ADAMTSL3: variants seen among roughly 807,000 people sequenced by gnomAD.
The protein encoded by ADAMTSL3 is ADAMTS-like protein 3.
A neutral mutation model predicts 201.7 loss-of-function variants in ADAMTSL3; 128 were observed. The observed-to-expected ratio is 0.63, with a 90% CI of 0.55 to 0.73. ADAMTSL3 has a LOEUF of 0.73. ADAMTSL3 is among the 30% of genes least tolerant of loss of function. The pLI is 0.00. For synonymous variants in ADAMTSL3, 738 were observed against 748.4 expected, an observed-to-expected ratio of 0.99 and a Z score of 0.23; for missense variants, 1,990 against 2,119.6, an observed-to-expected ratio of 0.94 and a Z score of 1.20.
At chr15:83,794,225 C>G (rs1187652690) in intron 4 of ADAMTSL3, among the ~76,000 whole-genome samples, 1 of 152,188 alleles carries the variant, frequency 6.6e-6, no homozygotes, top group Non-Finnish European at 1.5e-5. Context: ...TAAAATGATA[C>G]AGCCATTCTG....
At chr15:83,788,308 C>A (rs2063295383) in intron 4 of ADAMTSL3, among the ~76,000 whole-genome samples, 1 of 152,178 alleles carries the variant, frequency 6.6e-6, no homozygotes, top group South Asian at 2.1e-4. Flanking sequence ...CAGGAGGCAT[C>A]TTGGAATCTC....
At chr15:83,973,699 C>G (rs1433239985) in intron 20 of ADAMTSL3, among the ~76,000 whole-genome samples, 1 of 152,116 alleles carries the variant, frequency 6.6e-6, no homozygotes, top group East Asian at 1.9e-4. Context: ...TTAGGAATAT[C>G]AAGGCTAAAG....
At chr15:83,968,440 T>A (rs1185857435) in intron 19 of ADAMTSL3, among the ~76,000 whole-genome samples, 1 of 152,026 alleles carries the variant, frequency 6.6e-6, no homozygotes, top group Non-Finnish European at 1.5e-5. Context: ...ATTAGAGAAA[T>A]GCAAATCAAA....
intron 7 of ADAMTSL3, among the ~76,000 whole-genome samples, chr15:83,844,269 A>T (rs1328627573): frequency 1.3e-5 from 2 of 152,238 alleles, no homozygotes; most frequent in African/African-American, 2.4e-5. Context: ...CTTCTAATGC[A>T]TTCCTTGACA....
chr15:83,948,097 G>A (rs915855369), intron 19 of ADAMTSL3, among the ~76,000 whole-genome samples: 2 of 152,062 alleles, frequency 1.3e-5, no homozygotes, highest in Non-Finnish European at 2.9e-5. Context: ...CTCTATAACT[G>A]AAAAATGTTA....
Position 83,801,645 on chromosome 15 carries a change from AATATAAATATATAT to A in ADAMTSL3, c.318-2999_318-2986del, listed in dbSNP as rs1567153937. Among the ~76,000 whole-genome samples, 12 of 43,902 alleles carry A rather than the reference AATATAAATATATAT, an allele frequency of 2.7e-4. 1 individual carries two copies. Among genetic ancestry groups the A allele is most frequent in the South Asian group, 1.2e-3 (1 of 806 alleles). 28.8% of individuals were successfully genotyped at this position (43,902 alleles called of 152,430 possible). On this transcript the variant is annotated intron_variant, in intron 4 of 29. Coordinates refer to ENST00000286744, the MANE Select transcript of ADAMTSL3 (RefSeq NM_207517.3). ...GAAATTTTATATATATAAATATATA[AATATAAATATATAT>A]ATATATATATATATATATATATATA... is the stretch of plus-strand genomic sequence containing the variant.
chr15:83,866,399 C>T (rs11259922), intron 8 of ADAMTSL3, among the ~76,000 whole-genome samples: 63,815 of 152,022 alleles, frequency 0.42, 16,738 homozygotes, highest in African/African-American at 0.72. Flanking sequence ...GAAAATGTGG[C>T]ACATATACAC....
intron 16 of ADAMTSL3, among the ~76,000 whole-genome samples, chr15:83,915,144 G>A (rs945498350): frequency 6.6e-6 from 1 of 152,158 alleles, no homozygotes; most frequent in Non-Finnish European, 1.5e-5. Context: ...TCTTTCATTA[G>A]GAGAGCAGAA....
intron 26 of ADAMTSL3, among the ~76,000 whole-genome samples, chr15:84,022,097 T>C (rs2141914082): frequency 6.6e-6 from 1 of 152,226 alleles, no homozygotes; most frequent in Middle Eastern, 3.4e-3. Flanking sequence ...CAAAATCAAA[T>C]TCATGGTCTC....
chr15:83,992,644 A>G (rs1216821555), intron 23 of ADAMTSL3, among the ~76,000 whole-genome samples: 1 of 152,206 alleles, frequency 6.6e-6, no homozygotes, highest in South Asian at 2.1e-4. Context: ...CACTTCCACA[A>G]TACTTGAAAA....
At chr15:83,856,991 T>A (rs1198697667) in intron 7 of ADAMTSL3, among the ~76,000 whole-genome samples, 2 of 152,154 alleles carry the variant, frequency 1.3e-5, no homozygotes, top group Non-Finnish European at 2.9e-5. Flanking sequence ...GCTTGTTTTG[T>A]TATTTTTTTT....
At chr15:83,808,838 T>C (rs1202794762) in intron 5 of ADAMTSL3, among the ~76,000 whole-genome samples, 1 of 149,590 alleles carries the variant, frequency 6.7e-6, no homozygotes, top group African/African-American at 2.5e-5. Context: ...TGGATGAATC[T>C]AGAGGATATT....
intron 3 of ADAMTSL3, among the ~76,000 whole-genome samples, chr15:83,720,188 C>T (rs932169223): frequency 6.6e-6 from 1 of 152,122 alleles, no homozygotes; most frequent in Non-Finnish European, 1.5e-5. Flanking sequence ...CACTGCACTC[C>T]AGCCTGGGTG....
At chr15:83,855,034 G>C (rs1347505204) in intron 7 of ADAMTSL3, among the ~76,000 whole-genome samples, 1 of 152,136 alleles carries the variant, frequency 6.6e-6, no homozygotes, top group Admixed American at 6.5e-5. Flanking sequence ...CTTTGTGTGT[G>C]TGTGTGTCTG....
intron 19 of ADAMTSL3, among the ~76,000 whole-genome samples, chr15:83,944,414 G>C (rs1421997223): frequency 6.6e-6 from 1 of 152,072 alleles, no homozygotes; most frequent in Non-Finnish European, 1.5e-5. Flanking sequence ...TATCTTCTTG[G>C]AGTGGAGACC....
At chr15:83,828,815 T>C (rs1187871208) in intron 6 of ADAMTSL3, among the ~76,000 whole-genome samples, 6 of 152,356 alleles carry the variant, frequency 3.9e-5, no homozygotes, top group Admixed American at 2.6e-4. Flanking sequence ...TCTGTTTATA[T>C]GCTGGATTAC....
intron 21 of ADAMTSL3, among the ~76,000 whole-genome samples, chr15:83,985,632 T>C (rs1256665855): frequency 6.6e-6 from 1 of 151,638 alleles, no homozygotes; most frequent in African/African-American, 2.4e-5. Context: ...AAGACATTTC[T>C]TTTTTTTTCT....
chr15:83,737,716 A>G (rs2062390047), intron 3 of ADAMTSL3, among the ~76,000 whole-genome samples: 1 of 152,226 alleles, frequency 6.6e-6, no homozygotes, highest in Admixed American at 6.5e-5. Context: ...AAATCTTCAG[A>G]TGAAAAGAGT....
At chr15:83,765,025 G>A (rs1231205347) in intron 3 of ADAMTSL3, among the ~76,000 whole-genome samples, 1 of 152,176 alleles carries the variant, frequency 6.6e-6, no homozygotes, top group Non-Finnish European at 1.5e-5. Flanking sequence ...AAATCCTAGA[G>A]GCCATCAACT....
Sources: gnomAD v4.1 joint callset for allele counts (sites outside exome capture counted in the v4.1 genomes callset) on GRCh38, gnomAD v4.1.1 for gene constraint, MANE v1.5 for transcripts, NCBI Gene and HGNC (gene_info 2026-07-23, HGNC 2026-07-21) for gene names.